The following FGGY variants were observed in gnomAD, a reference collection of about 807,000 sequenced individuals.
FGGY encodes the protein FGGY carbohydrate kinase domain-containing protein.
Under a neutral mutation model 71.3 loss-of-function variants are expected in FGGY, and 72 were observed. The ratio of observed to expected loss-of-function variants is 1.01; its 90% CI spans 0.84 to 1.23. FGGY has a LOEUF of 1.23. FGGY is among the 50% of genes most tolerant of loss of function. FGGY has a pLI of 0.00. For synonymous variants in FGGY, 251 were observed against 250.3 expected (o/e 1.00, Z -0.02); for missense variants, 668 against 682.3 (o/e 0.98, Z 0.23).
chr1:59,299,279 G>A (rs1209491195), intron 1 of FGGY, among the ~76,000 whole-genome samples: 2 of 152,328 alleles, frequency 1.3e-5, no homozygotes, highest in African/African-American at 2.4e-5. Flanking sequence ...GAAAGGATAA[G>A]TTGGAAAAAA....
At chr1:59,530,733 G>C (rs2095119680) in intron 7 of FGGY, among the ~76,000 whole-genome samples, 1 of 152,194 alleles carries the variant, frequency 6.6e-6, no homozygotes, top group South Asian at 2.1e-4. Flanking sequence ...GAAGCATGAG[G>C]GTACCCCTTT....
chr1:59,329,610 G>T (rs1193985438), intron 2 of FGGY, among the ~76,000 whole-genome samples: 3 of 152,128 alleles, frequency 2.0e-5, no homozygotes, highest in Admixed American at 2.0e-4. Flanking sequence ...CTGCATTCCA[G>T]CCACACCTTC....
At chr1:59,404,998 T>G (rs762961764) in intron 5 of FGGY, among the ~76,000 whole-genome samples, 1 of 152,210 alleles carries the variant, frequency 6.6e-6, no homozygotes, top group Non-Finnish European at 1.5e-5. Flanking sequence ...AATGTATGCC[T>G]GGTGAAATCA....
At chr1:59,644,899 C>T (rs1016445255) in intron 11 of FGGY, among the ~76,000 whole-genome samples, 1 of 151,948 alleles carries the variant, frequency 6.6e-6, no homozygotes, top group East Asian at 1.9e-4. Flanking sequence ...GTCGCTTGAA[C>T]CCAGGAGGCA....
intron 11 of FGGY, among the ~76,000 whole-genome samples, chr1:59,640,161 C>T (rs1398008366): frequency 5.3e-5 from 8 of 152,138 alleles, no homozygotes; most frequent in Non-Finnish European, 1.2e-4. Context: ...CAATGATTCC[C>T]TTTATAACTG....
In FGGY at chr1:59,491,049, T is replaced by TCTTTCTTTCCCTCCCTCCCTC. The variant is rs2093826778; in HGVS notation, c.671-21261_671-21260insTTTCTTTCCCTCCCTCCCTCC. 7.4e-3 allele frequency among the ~76,000 whole-genome samples: 12 copies of TCTTTCTTTCCCTCCCTCCCTC among 1,616 alleles called. 2 individuals are homozygous for TCTTTCTTTCCCTCCCTCCCTC. Among genetic ancestry groups the TCTTTCTTTCCCTCCCTCCCTC allele is most frequent in the African/African-American group, 0.024 (5 of 212 alleles). The allele number at this position is 1,616 out of a possible 152,430, so 1.1% of individuals were successfully genotyped here. A position where few individuals can be genotyped will look rare whatever the true frequency, so the allele number is the denominator to read the frequency against. On this transcript the variant is annotated intron_variant, in intron 6 of 15. Transcript: ENST00000303721. ...CTTTCCTTTCCTTTCCTTCCTTCCT[T>TCTTTCTTTCCCTCCCTCCCTC]CCTTCCTTCCTTCCTTCCTTCCTTC...
intron 7 of FGGY, among the ~76,000 whole-genome samples, chr1:59,538,106 A>T (rs1269552697): frequency 6.6e-6 from 1 of 152,216 alleles, no homozygotes; most frequent in Admixed American, 6.5e-5. Context: ...CATCTGACAA[A>T]GGGCTAATAT....
chr1:59,433,871 A>T (rs748939674), intron 5 of FGGY, among the ~76,000 whole-genome samples: 4 of 152,144 alleles, frequency 2.6e-5, no homozygotes, highest in Non-Finnish European at 5.9e-5. Context: ...TGCTTTAGGG[A>T]GGAAACTTTA....
chr1:59,666,197 C>T (rs374080152), intron 12 of FGGY, among the ~76,000 whole-genome samples: 7 of 150,556 alleles, frequency 4.6e-5, no homozygotes, highest in African/African-American at 7.4e-5. Flanking sequence ...GACTTCTCTT[C>T]CCTCCTTTTT....
At chr1:59,755,922 G>A (rs569372705) in intron 14 of FGGY, 1 of 152,370 alleles carries the variant, frequency 6.6e-6, no homozygotes, top group South Asian at 2.1e-4. Flanking sequence ...GCACAGCAGA[G>A]CACAACTCAA....
chr1:59,302,445 G>A (rs1402628225), intron 1 of FGGY, among the ~76,000 whole-genome samples: 2 of 152,128 alleles, frequency 1.3e-5, no homozygotes, highest in East Asian at 1.9e-4. Flanking sequence ...TAAAGAAAAT[G>A]TGGTACATAT....
intron 5 of FGGY, among the ~76,000 whole-genome samples, chr1:59,381,628 C>CAT (rs981549869): frequency 7.0e-6 from 1 of 143,206 alleles, no homozygotes; most frequent in East Asian, 2.0e-4. Context: ...ATGTATAACT[C>CAT]GTGTGTGTGT....
At chr1:59,510,373 T>G (rs1332194320) in intron 6 of FGGY, among the ~76,000 whole-genome samples, 1 of 152,206 alleles carries the variant, frequency 6.6e-6, no homozygotes, top group Non-Finnish European at 1.5e-5. Context: ...GTCCCTAGCA[T>G]GAAAGTGCTC....
intron 6 of FGGY, among the ~76,000 whole-genome samples, chr1:59,476,994 C>G (rs750486319): frequency 6.6e-6 from 1 of 152,198 alleles, no homozygotes; most frequent in South Asian, 2.1e-4. Context: ...CATTAAAATT[C>G]ACAATTCAGT....
At chr1:59,372,725 G>T (rs184315992) in intron 4 of FGGY, among the ~76,000 whole-genome samples, 4 of 152,108 alleles carry the variant, frequency 2.6e-5, no homozygotes, top group Admixed American at 6.6e-5. Flanking sequence ...TCAAGTGGCC[G>T]TCATCCCTGG....
chr1:59,703,964 G>A (rs1337771488), intron 14 of FGGY, among the ~76,000 whole-genome samples: 2 of 152,128 alleles, frequency 1.3e-5, no homozygotes, highest in African/African-American at 4.8e-5. Flanking sequence ...TATTCTTGTT[G>A]TAGTTGTATT....
intron 12 of FGGY, among the ~76,000 whole-genome samples, chr1:59,661,849 A>G (rs2097277325): frequency 6.6e-6 from 1 of 151,392 alleles, no homozygotes; most frequent in African/African-American, 2.4e-5. Context: ...CCTCCCGAGT[A>G]GCTTGGACTA....
chr1:59,396,716 A>G (rs1210412720), intron 5 of FGGY, among the ~76,000 whole-genome samples: 1 of 152,150 alleles, frequency 6.6e-6, no homozygotes, highest in East Asian at 1.9e-4. Context: ...TAGGAAAGTA[A>G]TTTTTCTGAG....
intron 11 of FGGY, among the ~76,000 whole-genome samples, chr1:59,655,308 C>T (rs545534989): frequency 1.3e-5 from 2 of 152,276 alleles, no homozygotes; most frequent in East Asian, 1.9e-4. Flanking sequence ...ATGTGAAGAA[C>T]GTGCAGGTTT....
Sources: gnomAD v4.1 joint callset for allele counts (sites outside exome capture counted in the v4.1 genomes callset) on GRCh38, gnomAD v4.1.1 for gene constraint, MANE v1.5 for transcripts, NCBI Gene and HGNC (gene_info 2026-07-23, HGNC 2026-07-21) for gene names.